Variants in SF3A3 observed in about 807,000 individuals in gnomAD.
SF3A3 encodes splicing factor 3a subunit 3.
In SF3A3, 9 loss-of-function variants were observed where a neutral mutation model predicts 85.8. The observed-to-expected ratio is 0.10, with a 90% CI of 0.06 to 0.18. The LOEUF (loss-of-function observed/expected upper bound fraction) is 0.18. SF3A3 is among the 10% of genes least tolerant of loss of function. SF3A3 has a pLI of 1.00. For synonymous variants in SF3A3, 195 were observed against 204.4 expected, an observed-to-expected ratio of 0.95 and a Z score of 0.39; for missense variants, 306 against 593.3, an observed-to-expected ratio of 0.52 and a Z score of 5.03.
In SF3A3 at chr1:37,968,100, C is replaced by T. The variant is rs1294328847; in HGVS notation, c.1316G>A (p.Gly439Asp). ...WRHAHGMRCL[G>D]IPNTAHFANV... ...AGCAAAGTGAGCAGTGTTTGGGATGCCCAAACACCTCATGCCATGAGCATG... is the reference window on the plus strand; with the variant it reads ...AGCAAAGTGAGCAGTGTTTGGGATGTCCAAACACCTCATGCCATGAGCATG... The change falls in exon 15 of 17, where the codon GGC becomes GAC. Residue 439 changes from glycine (G) to aspartate (D), a missense_variant. By Grantham distance (94) the Gly-to-Asp change is moderately conservative. Coordinates refer to ENST00000373019, the MANE Select transcript of SF3A3 (RefSeq NM_006802.4). 6.2e-7 allele frequency: 1 copy of T among 1,612,756 alleles called. No individual in the cohort carries two copies. The highest frequency in any genetic ancestry group is 8.5e-7 in the Non-Finnish European group (1 of 1,178,986).
intron 15 of SF3A3, among the ~76,000 whole-genome samples, chr1:37,962,285 CAAAAAAAAAAAAAAA>C (rs10559284): frequency 2.3e-4 from 6 of 26,512 alleles, no homozygotes; most frequent in South Asian, 2.8e-3. Context: ...GCGAGACTGT[CAAAAAAAAAAAAAAA>C]AAAAAAAAAA....
intron 11 of SF3A3, among the ~76,000 whole-genome samples, chr1:37,978,274 C>T (rs368741843): frequency 1.7e-3 from 247 of 146,600 alleles, no homozygotes; most frequent in African/African-American, 5.9e-3. Context: ...AGGAGGTGGA[C>T]GTTCCAGTGA....
At chr1:37,975,615 A>G (rs1160400473) in intron 12 of SF3A3, among the ~76,000 whole-genome samples, 1 of 152,090 alleles carries the variant, frequency 6.6e-6, no homozygotes, top group Non-Finnish European at 1.5e-5. Flanking sequence ...CCTGCTGTCC[A>G]CACTAGCACA....
chr1:37,967,837 C>T (rs1054607298), intron 15 of SF3A3, among the ~76,000 whole-genome samples: 8 of 151,756 alleles, frequency 5.3e-5, no homozygotes, highest in Non-Finnish European at 7.4e-5. Flanking sequence ...TCCAGCCTGG[C>T]GACAGAGCGA....
Position 37,969,431 on chromosome 1 carries a change from G to C in SF3A3, c.1204C>G (p.Leu402Val). Residue 402 changes from leucine (L) to valine (V), a missense_variant, in exon 14 of 17, where the codon CTA becomes GTA. This residue lies in a region of SF3A3 where 136 missense variants were observed against 296.6 expected (regional missense o/e 0.46). Coordinates refer to ENST00000373019, the MANE Select transcript of SF3A3 (RefSeq NM_006802.4). ...IPYWLYKLHG[L>V]NINYNCEICG... Reference sequence around the variant, plus strand: ...ATCTCACAGTTGTAGTTGATATTTAGGCCATGAAGCTTATACAGCCAGTAG... The same window carrying C: ...ATCTCACAGTTGTAGTTGATATTTACGCCATGAAGCTTATACAGCCAGTAG... 4 of 1,613,286 alleles carry C rather than the reference G, an allele frequency of 2.5e-6. No homozygotes were observed. Among genetic ancestry groups the C allele is most frequent in the Non-Finnish European group, 2.5e-6 (3 of 1,179,976 alleles).
At chr1:37,986,162 G>C (rs1646455331) in intron 4 of SF3A3, among the ~76,000 whole-genome samples, 1 of 151,950 alleles carries the variant, frequency 6.6e-6, no homozygotes, top group African/African-American at 2.4e-5. Flanking sequence ...TGGCCAGGCT[G>C]GTCTCCAACT....
chr1:37,967,414 T>C (rs935128304), intron 15 of SF3A3, among the ~76,000 whole-genome samples: 36 of 148,806 alleles, frequency 2.4e-4, no homozygotes, highest in African/African-American at 8.4e-4. Flanking sequence ...GTGTGGCGGC[T>C]CATGCCTGTA....
At chr1:37,984,381 T>C in intron 5 of SF3A3, 121 bp from the exon 6 acceptor site, 1 of 654,776 alleles carries the variant, frequency 1.5e-6, no homozygotes, top group South Asian at 1.8e-5. Flanking sequence ...ATGTCTTCCC[T>C]TTGCTCACAA....
chr1:37,976,655 T>C (rs914980761), intron 12 of SF3A3, among the ~76,000 whole-genome samples: 5 of 152,158 alleles, frequency 3.3e-5, no homozygotes, highest in African/African-American at 9.7e-5. Flanking sequence ...GGGGACTCTA[T>C]TCTCCATGAC....
intron 11 of SF3A3, among the ~76,000 whole-genome samples, chr1:37,977,623 G>A (rs1646387586): frequency 6.6e-6 from 1 of 152,098 alleles, no homozygotes; most frequent in Non-Finnish European, 1.5e-5. Flanking sequence ...TGGATCACCT[G>A]AGGTCAGGAG....
intron 5 of SF3A3, 40 bp downstream of exon 5, chr1:37,984,667 A>G (rs766589308): frequency 1.5e-6 from 2 of 1,323,760 alleles, no homozygotes; most frequent in East Asian, 4.6e-5. Context: ...ATTAACCTGT[A>G]TTTTTGCTGG....
intron 11 of SF3A3, among the ~76,000 whole-genome samples, 164 bp downstream of exon 11, chr1:37,978,556 C>G (rs1279105791): frequency 2.6e-5 from 4 of 152,068 alleles, no homozygotes; most frequent in Non-Finnish European, 1.5e-5. Context: ...TTTATATTAA[C>G]AGTGATAGTA....
At chr1:37,965,049 T>C (rs1008712391) in intron 15 of SF3A3, among the ~76,000 whole-genome samples, 1 of 152,056 alleles carries the variant, frequency 6.6e-6, no homozygotes, top group Admixed American at 6.6e-5. Context: ...TCCCAGCTAC[T>C]TGGGAGGTTA....
At chr1:37,981,883 C>T (rs1646421057) in intron 6 of SF3A3, 72 bp from the exon 7 acceptor site, 1 of 873,106 alleles carries the variant, frequency 1.1e-6, no homozygotes, top group Non-Finnish European at 1.8e-6. Flanking sequence ...ATATAATCTC[C>T]AATAAGTGAG....
chr1:37,976,209 T>C (rs983669080), intron 12 of SF3A3, among the ~76,000 whole-genome samples: 1 of 151,922 alleles, frequency 6.6e-6, no homozygotes, highest in African/African-American at 2.4e-5. Flanking sequence ...GCTGGTCTTC[T>C]GAAGGACTCC....
intron 12 of SF3A3, among the ~76,000 whole-genome samples, chr1:37,970,771 G>A (rs933711729): frequency 3.3e-5 from 5 of 152,090 alleles, no homozygotes; most frequent in Non-Finnish European, 4.4e-5. Context: ...GATAAATAAC[G>A]AAATGAAGGC....
At chr1:37,987,955 T>G (rs549091248) in intron 2 of SF3A3, 119 bp from the exon 3 acceptor site, 3 of 817,514 alleles carry the variant, frequency 3.7e-6, no homozygotes, top group Admixed American at 1.8e-5. Flanking sequence ...GGATATGAGA[T>G]AGTCTTAACA....
intron 12 of SF3A3, among the ~76,000 whole-genome samples, chr1:37,975,770 C>T (rs886685844): frequency 2.0e-5 from 3 of 152,308 alleles, no homozygotes; most frequent in South Asian, 2.1e-4. Flanking sequence ...AAAATGTCCA[C>T]GGCAATTAAC....
chr1:37,972,826 A>G (rs559721755), intron 12 of SF3A3, among the ~76,000 whole-genome samples: 30 of 152,350 alleles, frequency 2.0e-4, no homozygotes, highest in Non-Finnish European at 4.3e-4. Flanking sequence ...ACATATGTAG[A>G]AAGCTGAAAC....
Sources: allele counts gnomAD v4.1 joint callset (sites outside exome capture counted in the v4.1 genomes callset), GRCh38; gene constraint gnomAD v4.1.1; regional missense constraint gnomAD v4.1.1; transcripts MANE v1.5; gene names NCBI Gene and HGNC (gene_info 2026-07-23, HGNC 2026-07-21).